FGF14: variants seen among roughly 807,000 people sequenced by gnomAD.
The protein encoded by FGF14 is fibroblast growth factor homologous factor 4.
A neutral mutation model predicts 25.5 loss-of-function variants in FGF14; 5 were observed. The ratio of observed to expected loss-of-function variants is 0.20; its 90% CI spans 0.10 to 0.41. The LOEUF is 0.41. FGF14 is among the 10% of genes least tolerant of loss of function. The probability of loss-of-function intolerance (pLI) is 1.00; values close to 1 mark genes in which losing one functional copy is unlikely to be tolerated. For synonymous variants in FGF14, 138 were observed against 118.3 expected, an observed-to-expected ratio of 1.17 and a Z score of -1.08; for missense variants, 222 against 320.1, an observed-to-expected ratio of 0.69 and a Z score of 2.34.
At chr13:101,998,610 T>C (rs9585826) in intron 1 of FGF14, among the ~76,000 whole-genome samples, 5,272 of 152,318 alleles carry the variant, frequency 0.035, 274 homozygotes, top group African/African-American at 0.12. Flanking sequence ...TTCTGAAATG[T>C]ATTTACAGAT....
At chr13:101,731,982 TA>T (rs918617372) in intron 3 of FGF14, among the ~76,000 whole-genome samples, 1 of 152,168 alleles carries the variant, frequency 6.6e-6, no homozygotes, top group African/African-American at 2.4e-5. Flanking sequence ...TGATCTAAGG[TA>T]AAATTTGAGG....
chr13:101,889,084 G>A (rs2046137548), intron 1 of FGF14, among the ~76,000 whole-genome samples: 1 of 152,162 alleles, frequency 6.6e-6, no homozygotes, highest in South Asian at 2.1e-4. Context: ...AAGCCAAGGA[G>A]AGAGGCCTCA....
At chr13:102,124,796 T>TTA (rs1430583618) in intron 1 of FGF14, among the ~76,000 whole-genome samples, 1 of 152,134 alleles carries the variant, frequency 6.6e-6, no homozygotes, top group Non-Finnish European at 1.5e-5. Context: ...TTCCTGTTAT[T>TTA]TATATATATT....
At chr13:101,767,423 A>G (rs2038479667) in intron 3 of FGF14, among the ~76,000 whole-genome samples, 1 of 152,110 alleles carries the variant, frequency 6.6e-6, no homozygotes, top group South Asian at 2.1e-4. Flanking sequence ...ACCGATATAG[A>G]GCAAAGCTTT....
chr13:102,134,790 T>A (rs946711649), intron 1 of FGF14, among the ~76,000 whole-genome samples: 2 of 152,230 alleles, frequency 1.3e-5, no homozygotes, highest in African/African-American at 4.8e-5. Flanking sequence ...AAGGATTTTT[T>A]AATTAAACAA....
At chr13:101,766,162 AATG>A (rs1158337986) in intron 3 of FGF14, among the ~76,000 whole-genome samples, 1 of 152,250 alleles carries the variant, frequency 6.6e-6, no homozygotes, top group Non-Finnish European at 1.5e-5. Flanking sequence ...TACTAGCTGG[AATG>A]ATATCATTCA....
chr13:102,303,056 C>G (rs1237526115), intron 1 of FGF14, among the ~76,000 whole-genome samples: 1 of 152,188 alleles, frequency 6.6e-6, no homozygotes. Context: ...GACATCATCT[C>G]CTACCACTTT....
At chr13:102,193,313 T>C (rs1057106134) in intron 1 of FGF14, among the ~76,000 whole-genome samples, 2 of 152,094 alleles carry the variant, frequency 1.3e-5, no homozygotes, top group Admixed American at 6.6e-5. Flanking sequence ...GTGTCTTCTT[T>C]TGGGGGCACT....
intron 2 of FGF14, among the ~76,000 whole-genome samples, chr13:101,869,924 G>T (rs1419665713): frequency 6.6e-6 from 1 of 152,068 alleles, no homozygotes; most frequent in Non-Finnish European, 1.5e-5. Flanking sequence ...CTCCTAATAG[G>T]TTGAAGAAAA....
chr13:102,041,544 G>C (rs1566609403), intron 1 of FGF14, among the ~76,000 whole-genome samples: 1 of 145,940 alleles, frequency 6.9e-6, no homozygotes, highest in Non-Finnish European at 1.5e-5. Context: ...AAAAAACAGT[G>C]TATGTTAAGC....
intron 1 of FGF14, among the ~76,000 whole-genome samples, chr13:102,143,748 C>G (rs1181640853): frequency 3.9e-5 from 6 of 152,158 alleles, no homozygotes; most frequent in Non-Finnish European, 2.9e-5. Flanking sequence ...TTTCAGACCT[C>G]TATCTAAAAT....
intron 1 of FGF14, among the ~76,000 whole-genome samples, chr13:102,161,644 A>AAGG (rs2047727468): frequency 2.9e-4 from 5 of 17,024 alleles, no homozygotes; most frequent in Admixed American, 9.2e-4. Flanking sequence ...GAAGAAGAAG[A>AAGG]AGAAGAAGAA....
intron 1 of FGF14, among the ~76,000 whole-genome samples, chr13:102,027,144 G>C (rs1330563896): frequency 1.3e-5 from 2 of 151,800 alleles, no homozygotes; most frequent in Non-Finnish European, 2.9e-5. Flanking sequence ...TTTCTAGTAA[G>C]AGTAATTGGC....
intron 1 of FGF14, among the ~76,000 whole-genome samples, chr13:102,357,674 T>C (rs1224096461): frequency 6.6e-6 from 1 of 152,168 alleles, no homozygotes; most frequent in Non-Finnish European, 1.5e-5. Flanking sequence ...GGAGTTTCAA[T>C]GAGTTAGTAT....
At chr13:102,079,551 G>T (rs1317108185) in intron 1 of FGF14, among the ~76,000 whole-genome samples, 2 of 152,020 alleles carry the variant, frequency 1.3e-5, no homozygotes, top group African/African-American at 4.8e-5. Flanking sequence ...AAAATTCTGG[G>T]ATTACAGGTG....
intron 1 of FGF14, among the ~76,000 whole-genome samples, chr13:101,892,204 T>C (rs2029872250): frequency 6.6e-6 from 1 of 152,138 alleles, no homozygotes; most frequent in Non-Finnish European, 1.5e-5. Flanking sequence ...TAAAAATGTG[T>C]CCCTTATCTA....
At chr13:102,239,866 A>G (rs1013811398) in intron 1 of FGF14, among the ~76,000 whole-genome samples, 1 of 152,212 alleles carries the variant, frequency 6.6e-6, no homozygotes, top group African/African-American at 2.4e-5. Flanking sequence ...AGTTTAAGAA[A>G]ATACACCTTT....
chr13:102,210,120 T>C (rs2140917030), intron 1 of FGF14, among the ~76,000 whole-genome samples: 1 of 151,728 alleles, frequency 6.6e-6, no homozygotes, highest in Non-Finnish European at 1.5e-5. Flanking sequence ...TTTTGATCAA[T>C]GATACTAATG....
At chr13:102,232,769 C>G (rs3916918) in intron 1 of FGF14, among the ~76,000 whole-genome samples, 100,554 of 152,118 alleles carry the variant, frequency 0.66, 34,419 homozygotes, top group African/African-American at 0.84. Context: ...AAGTTAAACA[C>G]CCTGTAACAC....
Sources: allele counts gnomAD v4.1 joint callset (sites outside exome capture counted in the v4.1 genomes callset), GRCh38; gene constraint gnomAD v4.1.1; transcripts MANE v1.5; gene names NCBI Gene and HGNC (gene_info 2026-07-23, HGNC 2026-07-21).